The following DSCAML1 variants were observed in gnomAD, a reference collection of about 807,000 sequenced individuals.
DSCAML1 encodes the protein DS cell adhesion molecule like 1.
In DSCAML1, 38 loss-of-function variants were observed where a neutral mutation model predicts 200.5. That is an observed-to-expected ratio of 0.19 (90% CI 0.15 to 0.25). The LOEUF (loss-of-function observed/expected upper bound fraction) is 0.25. Ranked by LOEUF, DSCAML1 falls within the 10% of genes least tolerant of loss-of-function variation. The pLI is 1.00. For missense variants in DSCAML1, 2,223 were observed against 2,858.8 expected, an observed-to-expected ratio of 0.78 and a Z score of 5.07; for synonymous variants, 1,215 against 1,165.0, an observed-to-expected ratio of 1.04 and a Z score of -0.87.
At chr11:117,492,681 A>G (rs775949048) in intron 11 of DSCAML1, among the ~76,000 whole-genome samples, 12 of 152,098 alleles carry the variant, frequency 7.9e-5, no homozygotes, top group Non-Finnish European at 1.5e-4. Context: ...GGTGTGAGAT[A>G]AGCCGCCACA....
At chr11:117,808,521 GGAGA>G (rs137918479) in intron 1 of DSCAML1, among the ~76,000 whole-genome samples, 6 of 152,126 alleles carry the variant, frequency 3.9e-5, no homozygotes, top group Non-Finnish European at 5.9e-5. Flanking sequence ...GTGAGGTGAA[GGAGA>G]GAGAGATCCC....
intron 3 of DSCAML1, among the ~76,000 whole-genome samples, chr11:117,540,850 TA>T (rs59735481): frequency 1.3e-5 from 2 of 151,800 alleles, no homozygotes; most frequent in Admixed American, 1.3e-4. Context: ...GTAATAATAA[TA>T]AAAAAAGTTG....
intron 3 of DSCAML1, among the ~76,000 whole-genome samples, chr11:117,592,496 G>T (rs1022511101): frequency 3.3e-5 from 5 of 151,254 alleles, no homozygotes; most frequent in African/African-American, 1.2e-4. Flanking sequence ...TGTCTCCTGT[G>T]GGGTCTGACA....
At chr11:117,622,534 C>T (rs1020079815) in intron 3 of DSCAML1, among the ~76,000 whole-genome samples, 12 of 152,144 alleles carry the variant, frequency 7.9e-5, no homozygotes, top group East Asian at 1.9e-4. Context: ...GACTGTTCTC[C>T]GCAGGCTCAC....
intron 3 of DSCAML1, among the ~76,000 whole-genome samples, chr11:117,705,041 G>T (rs77550847): frequency 0.027 from 4,188 of 152,318 alleles, 88 homozygotes; most frequent in South Asian, 0.058. Context: ...CACGCCGAGG[G>T]GGGGACGTCT....
At chr11:117,578,473 C>A (rs142017480) in intron 3 of DSCAML1, among the ~76,000 whole-genome samples, 4 of 152,002 alleles carry the variant, frequency 2.6e-5, no homozygotes, top group Non-Finnish European at 5.9e-5. Context: ...AAGTTCAAGA[C>A]CAGTCTCGCC....
intron 3 of DSCAML1, among the ~76,000 whole-genome samples, chr11:117,638,895 C>T (rs2052343945): frequency 6.6e-6 from 1 of 152,020 alleles, no homozygotes; most frequent in African/African-American, 2.4e-5. Flanking sequence ...GAGTAGATAC[C>T]CAGGCATGAA....
chr11:117,602,742 G>A (rs1304320322), intron 3 of DSCAML1, among the ~76,000 whole-genome samples: 2 of 152,118 alleles, frequency 1.3e-5, no homozygotes, highest in Non-Finnish European at 2.9e-5. Context: ...CTGTTGATTG[G>A]TTGCCAGCCC....
At chr11:117,723,128 G>C (rs2054067388) in intron 3 of DSCAML1, among the ~76,000 whole-genome samples, 1 of 152,172 alleles carries the variant, frequency 6.6e-6, no homozygotes, top group Non-Finnish European at 1.5e-5. Context: ...AAAGTGCCAA[G>C]CATGTGGTAA....
At chr11:117,790,665 T>C (rs1411766991) in intron 1 of DSCAML1, among the ~76,000 whole-genome samples, 1 of 152,266 alleles carries the variant, frequency 6.6e-6, no homozygotes, top group African/African-American at 2.4e-5. Flanking sequence ...TGTCACATGA[T>C]GTACATTTTT....
chr11:117,795,957 A>G (rs2055565352), intron 1 of DSCAML1, among the ~76,000 whole-genome samples: 1 of 152,196 alleles, frequency 6.6e-6, no homozygotes, highest in South Asian at 2.1e-4. Context: ...AGAGGGCTGA[A>G]CAGGTGACGC....
At chr11:117,663,393 C>G (rs1389238047) in intron 3 of DSCAML1, among the ~76,000 whole-genome samples, 1 of 152,188 alleles carries the variant, frequency 6.6e-6, no homozygotes, top group Non-Finnish European at 1.5e-5. Context: ...AGGCCATCCC[C>G]CACCAGTGGT....
chr11:117,610,304 A>T (rs930281619), intron 3 of DSCAML1, among the ~76,000 whole-genome samples: 1 of 152,160 alleles, frequency 6.6e-6, no homozygotes, highest in Non-Finnish European at 1.5e-5. Flanking sequence ...TTTTCTGGTC[A>T]CACATTCTTC....
In DSCAML1 at chr11:117,437,305, T is replaced by C. The variant is rs2047939471; in HGVS notation, c.4537A>G (p.Ile1513Val). 6.2e-7 allele frequency: 1 copy of C among 1,614,248 alleles called. No homozygotes were observed. Among genetic ancestry groups the C allele is most frequent in the Non-Finnish European group, 8.5e-7 (1 of 1,180,042 alleles). ...CCCTTGGGCCGGTACTCCAGAACGA[T>C]GGCTGTGATAGGGCAGCCCCCATTG... is the stretch of plus-strand genomic sequence containing the variant. ...WNNGGCPITA[I>V]VLEYRPKGTW... The change falls in exon 26 of 33, where the codon ATC (isoleucine) becomes GTC (valine). Residue 1513 changes from isoleucine to valine, a missense_variant. Coordinates refer to ENST00000651296, the MANE Select transcript of DSCAML1 (RefSeq NM_020693.4). The surrounding 1 kb of genome is among the most constrained non-coding windows in gnomAD (Gnocchi z 5.3).
At chr11:117,646,506 T>A (rs1334792173) in intron 3 of DSCAML1, among the ~76,000 whole-genome samples, 2 of 152,168 alleles carry the variant, frequency 1.3e-5, no homozygotes, top group Non-Finnish European at 2.9e-5. Context: ...CATTTCTGTC[T>A]CCTGATACTG....
chr11:117,613,158 A>ATGTCCATCCCCCACCATGGTCAACTCAG (rs2051731231), intron 3 of DSCAML1, among the ~76,000 whole-genome samples: 5 of 151,872 alleles, frequency 3.3e-5, no homozygotes, highest in Non-Finnish European at 7.4e-5. Context: ...GGGACCCTTG[A>ATGTCCATCCCCCACCATGGTCAACTCAG]TGTCCATCCC....
At chr11:117,564,655 CTTTT>C (rs1215132297) in intron 3 of DSCAML1, among the ~76,000 whole-genome samples, 7 of 151,942 alleles carry the variant, frequency 4.6e-5, no homozygotes, top group Admixed American at 3.3e-4. Flanking sequence ...TTCTTTCTTT[CTTTT>C]TCTTTCCTTC....
At chr11:117,464,744 C>G (rs781429826) in intron 17 of DSCAML1, among the ~76,000 whole-genome samples, 198 bp downstream of exon 17, 1 of 152,234 alleles carries the variant, frequency 6.6e-6, no homozygotes, top group Non-Finnish European at 1.5e-5. Flanking sequence ...AGGAGAGGCC[C>G]GATATGCTGA....
Position 117,433,241 on chromosome 11 carries a change from G to A in DSCAML1, c.4923C>T (p.Ser1641=), listed in dbSNP as rs1292846322. ...GTGGCCCTTTCACAGGGGTGTCAAA[G>A]CTTCTATTGTTCTTGCTGTGGGGAG... ...AEMLISKNNR[S]FDTPVKGPPQ... is the part of the protein sequence containing the mutation. The change falls in exon 29 of 33, where the codon AGC becomes AGT. Residue 1641 remains serine, a synonymous_variant. Coordinates refer to ENST00000651296, the MANE Select transcript of DSCAML1 (RefSeq NM_020693.4). The A allele has an allele frequency of 2.5e-6, 4 of 1,611,496 alleles. No individual in the cohort carries two copies. Among genetic ancestry groups the A allele is most frequent in the Non-Finnish European group, 3.4e-6 (4 of 1,178,756 alleles).
Sources: gnomAD v4.1 joint callset for allele counts (sites outside exome capture counted in the v4.1 genomes callset) on GRCh38, gnomAD v4.1.1 for gene constraint, Gnocchi (gnomAD v3.1) non-coding constraint, MANE v1.5 for transcripts, NCBI Gene and HGNC (gene_info 2026-07-23, HGNC 2026-07-21) for gene names.